EXT1: variants seen among roughly 807,000 people sequenced by gnomAD.
The protein encoded by EXT1 is exostosin glycosyltransferase 1, also known as exostosin-1.
EXT1 carries 20 observed loss-of-function variants against 82.5 expected under a neutral mutation model. That is an observed-to-expected ratio of 0.24 (90% confidence interval 0.17 to 0.35). EXT1 has a LOEUF of 0.35. Ranked by LOEUF, EXT1 falls within the 10% of genes least tolerant of loss-of-function variation. The pLI is 1.00. For missense variants in EXT1, 757 were observed against 936.5 expected (o/e 0.81, Z 2.50); for synonymous variants, 348 against 350.8 (o/e 0.99, Z 0.09).
chr8:117,999,989 T>C (rs1451997016), intron 1 of EXT1, among the ~76,000 whole-genome samples: 1 of 152,226 alleles, frequency 6.6e-6, no homozygotes, highest in Non-Finnish European at 1.5e-5. Flanking sequence ...TGTGTATATA[T>C]ATATCTGTAC....
intron 1 of EXT1, among the ~76,000 whole-genome samples, chr8:117,876,903 TAAGCTGA>T (rs1387292194): frequency 1.3e-5 from 2 of 152,128 alleles, no homozygotes; most frequent in African/African-American, 2.4e-5. Flanking sequence ...ATGTCACAAG[TAAGCTGA>T]AATGCCATAG....
intron 1 of EXT1, among the ~76,000 whole-genome samples, chr8:117,989,080 A>AAC (rs397729959): frequency 1.3e-5 from 2 of 151,346 alleles, no homozygotes; most frequent in Admixed American, 6.6e-5. Flanking sequence ...AAAAAAAAAA[A>AAC]CTATTTTATT....
intron 1 of EXT1, among the ~76,000 whole-genome samples, chr8:117,951,611 CAT>C (rs1814493332): frequency 2.0e-5 from 3 of 152,270 alleles, no homozygotes; most frequent in African/African-American, 7.2e-5. Flanking sequence ...GTGATAGAGA[CAT>C]AGACAAATGA....
rs995569226 is a variant in EXT1, at chr8:117,862,705, C to G, written c.963-25504G>C. Among the ~76,000 whole-genome samples, 24 of 145,464 alleles carry G rather than the reference C, an allele frequency of 1.6e-4. 1 individual carries two copies. The highest frequency in any genetic ancestry group is 5.6e-4 in the African/African-American group (23 of 41,020). ...ACTGAAGTCCTGCAAATGCCAGTCA[C>G]CTGTGGCTACAAATCATGACAGGGA... On this transcript the variant is annotated intron_variant, in intron 1 of 10. Transcript: ENST00000378204.
intron 1 of EXT1, among the ~76,000 whole-genome samples, chr8:118,047,119 G>A (rs1161358610): frequency 1.3e-5 from 2 of 152,140 alleles, no homozygotes; most frequent in African/African-American, 4.8e-5. Flanking sequence ...ATCGCCTGGG[G>A]AAGTTTTAAA....
chr8:117,837,549 A>G (rs1045930218), intron 1 of EXT1, among the ~76,000 whole-genome samples: 13 of 152,218 alleles, frequency 8.5e-5, no homozygotes, highest in African/African-American at 2.7e-4. Context: ...AAAGAAGAAG[A>G]GAAAATTACT....
At chr8:117,809,244 T>TATA (rs1554657605) in intron 8 of EXT1, among the ~76,000 whole-genome samples, 5 of 138,220 alleles carry the variant, frequency 3.6e-5, no homozygotes, top group African/African-American at 7.9e-5. Context: ...TATATATATA[T>TATA]TATGTTCTAT....
chr8:117,966,721 G>A (rs1814819351), intron 1 of EXT1, among the ~76,000 whole-genome samples: 1 of 152,146 alleles, frequency 6.6e-6, no homozygotes, highest in Admixed American at 6.5e-5. Context: ...TTGATGAAGG[G>A]AAAGACTAAA....
At chr8:118,081,697 A>C (rs1817333400) in intron 1 of EXT1, among the ~76,000 whole-genome samples, 1 of 152,200 alleles carries the variant, frequency 6.6e-6, no homozygotes, top group Non-Finnish European at 1.5e-5. Context: ...GATTACAAAG[A>C]AATTGCCACT....
chr8:118,022,224 G>A (rs1563632026), intron 1 of EXT1, among the ~76,000 whole-genome samples: 1 of 145,648 alleles, frequency 6.9e-6, no homozygotes, highest in Non-Finnish European at 1.5e-5. Flanking sequence ...TATCTGTGAA[G>A]TTTATATATA....
chr8:117,945,943 C>T (rs759964469), intron 1 of EXT1, among the ~76,000 whole-genome samples: 16 of 152,156 alleles, frequency 1.1e-4, no homozygotes, highest in African/African-American at 3.9e-4. Context: ...GCTCCTTTTG[C>T]CCAGGCTGGA....
chr8:117,819,572 G>T, intron 6 of EXT1, 104 bp downstream of exon 6: 1 of 896,898 alleles, frequency 1.1e-6, no homozygotes, highest in Non-Finnish European at 1.9e-6. Context: ...TGTTAGAGAA[G>T]TCCCGGGGAG....
At chr8:117,895,820 G>A (rs941076167) in intron 1 of EXT1, among the ~76,000 whole-genome samples, 1 of 152,224 alleles carries the variant, frequency 6.6e-6, no homozygotes, top group African/African-American at 2.4e-5. Flanking sequence ...GCTGGAGTAA[G>A]TTACCCTCCT....
At chr8:118,075,037 A>G (rs1024781874) in intron 1 of EXT1, among the ~76,000 whole-genome samples, 22 of 152,338 alleles carry the variant, frequency 1.4e-4, no homozygotes, top group African/African-American at 5.3e-4. Flanking sequence ...GCGGGTTTTC[A>G]GTAACCCCAC....
chr8:118,004,289 C>T (rs992986890), intron 1 of EXT1, among the ~76,000 whole-genome samples: 2 of 152,188 alleles, frequency 1.3e-5, no homozygotes, highest in Admixed American at 6.5e-5. Flanking sequence ...TGCATGTGCA[C>T]GTATGTGTGC....
At chr8:117,899,418 C>A (rs1282995589) in intron 1 of EXT1, among the ~76,000 whole-genome samples, 1 of 152,182 alleles carries the variant, frequency 6.6e-6, no homozygotes, top group Non-Finnish European at 1.5e-5. Context: ...CAGCCCATCA[C>A]CAGAAAGGAG....
At chr8:117,820,473 G>C (rs1294237399) in intron 5 of EXT1, among the ~76,000 whole-genome samples, 1 of 152,176 alleles carries the variant, frequency 6.6e-6, no homozygotes, top group Non-Finnish European at 1.5e-5. Context: ...CAGATCACTT[G>C]AGACCAGCAG....
At chr8:117,922,241 G>T (rs3860883) in intron 1 of EXT1, among the ~76,000 whole-genome samples, 84,201 of 151,926 alleles carry the variant, frequency 0.55, 25,215 homozygotes, top group Middle Eastern at 0.77. Flanking sequence ...GAGAAAGGGG[G>T]TACCTCCATG....
chr8:117,940,080 CA>C, intron 1 of EXT1, among the ~76,000 whole-genome samples: 1 of 152,310 alleles, frequency 6.6e-6, no homozygotes, highest in Non-Finnish European at 1.5e-5. Context: ...ACCATTACAC[CA>C]ATAAGTCATG....
Sources: gnomAD v4.1 joint callset for allele counts (sites outside exome capture counted in the v4.1 genomes callset) on GRCh38, gnomAD v4.1.1 for gene constraint, MANE v1.5 for transcripts, NCBI Gene and HGNC (gene_info 2026-07-23, HGNC 2026-07-21) for gene names.